The following TNNI3K variants were observed in gnomAD, a reference collection of about 807,000 sequenced individuals.
TNNI3K encodes the protein TNNI3 interacting kinase, also known as serine/threonine-protein kinase TNNI3K.
In TNNI3K, 140 loss-of-function variants were observed where a neutral mutation model predicts 114.5. The ratio of observed to expected loss-of-function variants is 1.22; its 90% confidence interval spans 1.07 to 1.41. The LOEUF is 1.41. Ranked by LOEUF, TNNI3K falls within the 40% of genes most tolerant of loss-of-function variation. The pLI is 0.00. For synonymous variants in TNNI3K, 347 were observed against 347.5 expected (o/e 1.00, Z 0.02); for missense variants, 1,125 against 1,007.6 (o/e 1.12, Z -1.58).
chr1:74,255,507 T>C (rs1242209163), intron 4 of TNNI3K, among the ~76,000 whole-genome samples: 1 of 152,202 alleles, frequency 6.6e-6, no homozygotes, highest in African/African-American at 2.4e-5. Flanking sequence ...TTCTAATCAA[T>C]AGAGTAATCT....
chr1:74,480,147 G>T (rs1668408891), intron 21 of TNNI3K: 2 of 713,048 alleles, frequency 2.8e-6, no homozygotes, highest in Non-Finnish European at 5.2e-6. Context: ...CTTCTCCCCG[G>T]CATACCTGCG....
chr1:74,389,091 T>A (rs1014156148), intron 17 of TNNI3K, among the ~76,000 whole-genome samples: 1 of 152,214 alleles, frequency 6.6e-6, no homozygotes, highest in African/African-American at 2.4e-5. Context: ...GATACAAGAC[T>A]CTCTGGCAGT....
intron 9 of TNNI3K, among the ~76,000 whole-genome samples, chr1:74,344,792 G>T (rs139525572): frequency 6.6e-6 from 1 of 152,056 alleles, no homozygotes; most frequent in Non-Finnish European, 1.5e-5. Flanking sequence ...GTTTTATTTC[G>T]TGTAAGCCTG....
intron 4 of TNNI3K, among the ~76,000 whole-genome samples, chr1:74,255,257 G>A (rs1655204114): frequency 6.6e-6 from 1 of 151,174 alleles, no homozygotes; most frequent in African/African-American, 2.4e-5. Flanking sequence ...GGGAGGCTGA[G>A]GCGGGAGAAT....
intron 17 of TNNI3K, among the ~76,000 whole-genome samples, chr1:74,407,170 C>A (rs965361387): frequency 1.3e-5 from 2 of 152,168 alleles, no homozygotes; most frequent in African/African-American, 4.8e-5. Flanking sequence ...ATCTCCTCTG[C>A]ACTTAAAATA....
chr1:74,472,170 A>G (rs756845865), intron 21 of TNNI3K: 1 of 717,026 alleles, frequency 1.4e-6, no homozygotes, highest in South Asian at 1.5e-5. Context: ...CGGGTGTTGC[A>G]TATCTTCTTC....
rs1412984059 is a variant in TNNI3K, at chr1:74,249,525, T to C, written c.216T>C (p.His72=). The C allele has an allele frequency of 6.2e-7, 1 of 1,613,634 alleles. No individual in the cohort carries two copies. Among genetic ancestry groups the C allele is most frequent in the Non-Finnish European group, 8.5e-7 (1 of 1,179,788 alleles). The change falls in exon 3 of 25, where the codon CAT becomes CAC. Residue 72 remains histidine, a synonymous_variant. Transcript: ENST00000326637. ...CTGAAAATGGGCTGTCTCTACTTCATTTATGTTGCATTTGTGGAGGTGAGT... is the reference window on the plus strand; with the variant it reads ...CTGAAAATGGGCTGTCTCTACTTCACTTATGTTGCATTTGTGGAGGTGAGT... ...YRTENGLSLL[H]LCCICGGKKS... is the part of the protein sequence containing the mutation.
At chr1:74,465,565 C>T (rs1436594040) in intron 21 of TNNI3K, among the ~76,000 whole-genome samples, 1 of 152,194 alleles carries the variant, frequency 6.6e-6, no homozygotes, top group Non-Finnish European at 1.5e-5. Flanking sequence ...CCTGCGTGGC[C>T]CGAGCCTCTC....
At chr1:74,470,806 C>A (rs1667889699) in intron 21 of TNNI3K, 1 of 400,464 alleles carries the variant, frequency 2.5e-6, no homozygotes, top group Non-Finnish European at 4.4e-6. Context: ...CTTGTTGTAG[C>A]TGTCAGTCTT....
intron 11 of TNNI3K, among the ~76,000 whole-genome samples, chr1:74,366,090 A>T (rs920882107): frequency 1.7e-4 from 26 of 151,996 alleles, no homozygotes; most frequent in Admixed American, 2.0e-4. Context: ...AAGATTTGAA[A>T]GGCAAGCAAA....
chr1:74,521,630 C>T (rs1402508284), intron 23 of TNNI3K, among the ~76,000 whole-genome samples: 2 of 152,108 alleles, frequency 1.3e-5, no homozygotes, highest in Admixed American at 1.3e-4. Context: ...TAAAGACGCA[C>T]TATATTCCTA....
Position 74,379,372 on chromosome 1 carries a change from T to C in TNNI3K, c.1772+8980T>C, listed in dbSNP as rs529323047. ...ACACACACTTTTTTTTCTTCAGGAGTAAACATTAAAATAAAAAGACTATGG... is the reference window on the plus strand; with the variant it reads ...ACACACACTTTTTTTTCTTCAGGAGCAAACATTAAAATAAAAAGACTATGG... On this transcript the variant is annotated intron_variant, in intron 17 of 24. Transcript: ENST00000326637. Among the ~76,000 whole-genome samples the C allele has an allele frequency of 2.0e-5, 3 of 150,720 alleles. No individual in the cohort carries two copies. In the East Asian group the frequency reaches 5.9e-4, roughly 29 times the overall value.
chr1:74,471,710 C>A (rs1316473797), intron 21 of TNNI3K: 9 of 402,170 alleles, frequency 2.2e-5, no homozygotes, highest in African/African-American at 1.6e-4. Context: ...TGGAAGATAA[C>A]CCTCTTTGGG....
intron 5 of TNNI3K, among the ~76,000 whole-genome samples, chr1:74,288,834 C>G (rs916977339): frequency 2.6e-5 from 4 of 151,986 alleles, no homozygotes; most frequent in African/African-American, 9.7e-5. Context: ...GTGGTAATCA[C>G]TTCACAATGT....
At chr1:74,445,298 C>G (rs1162075442) in intron 20 of TNNI3K, among the ~76,000 whole-genome samples, 1 of 146,044 alleles carries the variant, frequency 6.8e-6, no homozygotes, top group Non-Finnish European at 1.5e-5. Flanking sequence ...TATACATGTG[C>G]CGTGCTGGTG....
intron 5 of TNNI3K, among the ~76,000 whole-genome samples, chr1:74,328,301 G>C (rs1660020910): frequency 6.6e-6 from 1 of 151,654 alleles, no homozygotes; most frequent in Admixed American, 6.6e-5. Flanking sequence ...GTGTGAAGTT[G>C]ATTTACCAAC....
intron 23 of TNNI3K, among the ~76,000 whole-genome samples, chr1:74,533,792 C>T (rs1646624500): frequency 6.6e-6 from 1 of 152,110 alleles, no homozygotes; most frequent in Non-Finnish European, 1.5e-5. Flanking sequence ...AATCATCATT[C>T]TCAGTAAACT....
In TNNI3K at chr1:74,388,294, A is replaced by T. The variant is rs1052880520; in HGVS notation, c.1772+17902A>T. Among the ~76,000 whole-genome samples, 16 of 151,896 alleles carry T rather than the reference A, an allele frequency of 1.1e-4. No homozygotes were observed. In the South Asian group the frequency reaches 1.2e-3, roughly 12 times the overall value. On this transcript the variant is annotated intron_variant, in intron 17 of 24. Transcript: ENST00000326637. ...TTCCGTCACAAAAAAAATAATAATA[A>T]TTTTTTTCTGTCTTCCCACTCTCCT...
At chr1:74,431,667 A>C (rs964244745) in intron 17 of TNNI3K, among the ~76,000 whole-genome samples, 14 of 152,090 alleles carry the variant, frequency 9.2e-5, no homozygotes, top group Non-Finnish European at 1.9e-4. Flanking sequence ...ATTTGTTCAG[A>C]TCTCCAGATT....
Sources: gnomAD v4.1 joint callset for allele counts (sites outside exome capture counted in the v4.1 genomes callset) on GRCh38, gnomAD v4.1.1 for gene constraint, MANE v1.5 for transcripts, NCBI Gene and HGNC (gene_info 2026-07-23, HGNC 2026-07-21) for gene names.